The following HMCN1 variants were observed in gnomAD, a reference collection of about 807,000 sequenced individuals.
The protein encoded by HMCN1 is hemicentin-1.
Under a neutral mutation model 625.9 loss-of-function variants are expected in HMCN1, and 321 were observed. That is an observed-to-expected ratio of 0.51 (90% CI 0.47 to 0.56). The LOEUF (loss-of-function observed/expected upper bound fraction) is 0.56. HMCN1 is among the 20% of genes least tolerant of loss of function. HMCN1 has a pLI of 0.00. For missense variants in HMCN1, 6,588 were observed against 6,887.3 expected (o/e 0.96, Z 1.54); for synonymous variants, 2,425 against 2,417.6 (o/e 1.00, Z -0.09).
intron 68 of HMCN1, among the ~76,000 whole-genome samples, chr1:186,096,965 C>T (rs1274037364): frequency 6.6e-6 from 1 of 152,108 alleles, no homozygotes; most frequent in Admixed American, 6.6e-5. Context: ...GAAAGCCTTT[C>T]CTACAAGGTC....
At chr1:186,114,404 C>A (rs12078939) in intron 73 of HMCN1, among the ~76,000 whole-genome samples, 79,079 of 151,212 alleles carry the variant, frequency 0.52, 20,834 homozygotes, top group Admixed American at 0.6. Flanking sequence ...ATTAAAGACG[C>A]ACGCCAGCAC....
chr1:185,898,125 T>G (rs1468467025), intron 4 of HMCN1, among the ~76,000 whole-genome samples: 2 of 152,078 alleles, frequency 1.3e-5, no homozygotes, highest in Non-Finnish European at 2.9e-5. Flanking sequence ...GTGGTGGACC[T>G]CCCCCTGTAG....
intron 46 of HMCN1, 93 bp downstream of exon 46, chr1:186,057,494 T>A: frequency 1.1e-6 from 1 of 935,516 alleles, no homozygotes; most frequent in Non-Finnish European, 1.7e-6. Context: ...TTTATTGTTT[T>A]ATTTTTTAAC....
At chr1:186,051,845 G>T (rs762707222) in intron 42 of HMCN1, among the ~76,000 whole-genome samples, 2 of 151,976 alleles carry the variant, frequency 1.3e-5, no homozygotes. Context: ...AATGGGAATT[G>T]ACTTGAGAAT....
At position 186,039,842 on chromosome 1, in the gene HMCN1, A is replaced by G; in HGVS notation, c.6143A>G (p.Asp2048Gly). The G allele has an allele frequency of 2.5e-6, 4 of 1,613,504 alleles. No homozygotes were observed. Among genetic ancestry groups the G allele is most frequent in the Non-Finnish European group, 3.4e-6 (4 of 1,179,606 alleles). ...GCCCCAAGTCTGACCTGGTTGAAAGATGGGAGTCCTGTTTCTAGTTTTTCT... is the reference window on the plus strand; with the variant it reads ...GCCCCAAGTCTGACCTGGTTGAAAGGTGGGAGTCCTGTTTCTAGTTTTTCT... ...IPAPSLTWLK[D>G]GSPVSSFSNG... is the part of the protein sequence containing the mutation. Residue 2048 changes from aspartate (D) to glycine (G), a missense_variant, in exon 39 of 107, where the codon GAT (aspartate) becomes GGT (glycine). By Grantham distance (94) the Asp-to-Gly change is moderately conservative (BLOSUM62 -1). This residue lies in a region of HMCN1 where 4,628 missense variants were observed against 4,853.1 expected (regional missense o/e 0.95). Coordinates refer to ENST00000271588, the MANE Select transcript of HMCN1 (RefSeq NM_031935.3).
chr1:185,967,588 G>A (rs549055623), intron 14 of HMCN1, among the ~76,000 whole-genome samples: 1 of 152,122 alleles, frequency 6.6e-6, no homozygotes, highest in East Asian at 1.9e-4. Flanking sequence ...CCAAGTTACA[G>A]GCAGACAATT....
chr1:186,144,558 C>A lies in HMCN1; in HGVS notation c.14121C>A (p.Ala4707=), dbSNP rs772035422. 6.2e-7 allele frequency: 1 copy of A among 1,614,044 alleles called. No individual in the cohort carries two copies. The highest frequency in any genetic ancestry group is 1.7e-5 in the Admixed American group (1 of 60,014). Residue 4707 remains alanine (A), a synonymous_variant, in exon 91 of 107, where the codon GCC becomes GCA. Coordinates refer to ENST00000271588, the MANE Select transcript of HMCN1 (RefSeq NM_031935.3). ...CPIHGKWATW[A]SWSACSVSCG... ...TTCATGGCAAGTGGGCGACTTGGGC[C>A]AGTTGGAGTGCCTGTTCTGTGTCAT...
intron 1 of HMCN1, among the ~76,000 whole-genome samples, chr1:185,745,764 A>T (rs1179692485): frequency 1.3e-5 from 2 of 152,162 alleles, no homozygotes; most frequent in East Asian, 3.9e-4. Flanking sequence ...CAACATTTCC[A>T]ACTGTCAGTG....
rs543166964 is a variant in HMCN1, at chr1:186,015,502, G to A, written c.4909+65G>A. The A allele has an allele frequency of 3.0e-4, 435 of 1,462,464 alleles. 3 individuals carry two copies. The African/African-American group carries it at 4.9e-3, about 17-fold the overall frequency. 90.6% of individuals were successfully genotyped at this position (1,462,464 alleles called of 1,614,324 possible). A position where few individuals can be genotyped will look rare whatever the true frequency, so the allele number is the denominator to read the frequency against. On this transcript the variant is annotated intron_variant, in intron 31 of 106. Transcript: ENST00000271588. The stretch of plus-strand genomic sequence containing the variant: ...CTATGCTTTCTAATAGGCAAATATC[G>A]AATTTATTCACTAATAGTCCTTGGT...
chr1:186,063,066 G>GTGAATA (rs1491400415), intron 48 of HMCN1, among the ~76,000 whole-genome samples: 2 of 29,944 alleles, frequency 6.7e-5, no homozygotes, highest in African/African-American at 1.8e-4. Context: ...GTGTGTGTGT[G>GTGAATA]CATATATATA....
intron 1 of HMCN1, among the ~76,000 whole-genome samples, chr1:185,748,872 C>T (rs1654607491): frequency 6.6e-6 from 1 of 152,196 alleles, no homozygotes; most frequent in African/African-American, 2.4e-5. Flanking sequence ...AGGGAAATAA[C>T]ACTTGACCTA....
At chr1:186,025,104 C>A (rs1200163746) in intron 36 of HMCN1, among the ~76,000 whole-genome samples, 4 of 152,160 alleles carry the variant, frequency 2.6e-5, no homozygotes, top group Admixed American at 2.0e-4. Flanking sequence ...ATTATATTAT[C>A]GTAATGAACA....
chr1:185,748,790 T>C (rs1281954329), intron 1 of HMCN1, among the ~76,000 whole-genome samples: 2 of 152,162 alleles, frequency 1.3e-5, no homozygotes, highest in Non-Finnish European at 2.9e-5. Flanking sequence ...TTTTAAGGCT[T>C]AGAAGAGAAA....
chr1:185,878,851 C>A (rs1302882123), intron 4 of HMCN1, among the ~76,000 whole-genome samples: 1 of 152,108 alleles, frequency 6.6e-6, no homozygotes, highest in Non-Finnish European at 1.5e-5. Flanking sequence ...GGATGATGTC[C>A]AAGTCTTCAG....
At chr1:185,814,770 C>T (rs1356110216) in intron 1 of HMCN1, among the ~76,000 whole-genome samples, 1 of 149,314 alleles carries the variant, frequency 6.7e-6, no homozygotes, top group African/African-American at 2.6e-5. Flanking sequence ...CAGCTCACTG[C>T]AACTTCCACC....
At chr1:185,825,711 G>A (rs1660473518) in intron 1 of HMCN1, among the ~76,000 whole-genome samples, 1 of 152,116 alleles carries the variant, frequency 6.6e-6, no homozygotes, top group African/African-American at 2.4e-5. Context: ...GCAAATTTAT[G>A]GTAGTGTTTG....
At chr1:186,085,702 C>G (rs116413724) in intron 57 of HMCN1, among the ~76,000 whole-genome samples, 1 of 151,938 alleles carries the variant, frequency 6.6e-6, no homozygotes, top group African/African-American at 2.4e-5. Flanking sequence ...ACCATCAAAT[C>G]GAGAGTACTG....
At chr1:186,078,265 A>G (rs1658951072) in intron 55 of HMCN1, 45 bp downstream of exon 55, 1 of 1,366,054 alleles carries the variant, frequency 7.3e-7, no homozygotes, top group Middle Eastern at 1.8e-4. Context: ...ACTGAAAAGT[A>G]TTTTTGAGGA....
chr1:186,027,190 C>T (rs538853269), intron 36 of HMCN1, among the ~76,000 whole-genome samples: 9 of 152,170 alleles, frequency 5.9e-5, no homozygotes, highest in Non-Finnish European at 1.0e-4. Context: ...AAAAGAGGAA[C>T]ATTCTCATGG....
Sources: allele counts gnomAD v4.1 joint callset (sites outside exome capture counted in the v4.1 genomes callset), GRCh38; gene constraint gnomAD v4.1.1; regional missense constraint gnomAD v4.1.1; transcripts MANE v1.5; gene names NCBI Gene and HGNC (gene_info 2026-07-23, HGNC 2026-07-21).